DPYSL2: variants seen among roughly 807,000 people sequenced by gnomAD.
DPYSL2 encodes the protein dihydropyrimidinase like 2, also known as dihydropyrimidinase-related protein 2.
Under a neutral mutation model 69.9 loss-of-function variants are expected in DPYSL2, and 13 were observed. The observed-to-expected ratio is 0.19, with a 90% confidence interval of 0.12 to 0.30. DPYSL2 has a LOEUF of 0.30. DPYSL2 is among the 10% of genes least tolerant of loss of function. The pLI is 1.00. For synonymous variants in DPYSL2, 326 were observed against 359.1 expected, an observed-to-expected ratio of 0.91 and a Z score of 1.04; for missense variants, 587 against 918.9, an observed-to-expected ratio of 0.64 and a Z score of 4.67.
chr8:26,577,056 G>C (rs536558099), intron 1 of DPYSL2: 4 of 407,026 alleles, frequency 9.8e-6, no homozygotes, highest in African/African-American at 6.5e-5. Flanking sequence ...CTCGCGGCCG[G>C]AAGGCACAAA....
intron 1 of DPYSL2, among the ~76,000 whole-genome samples, chr8:26,556,508 A>G (rs1585507302): frequency 1.4e-5 from 1 of 71,004 alleles, no homozygotes; most frequent in African/African-American, 7.7e-5. Context: ...ATATAAGGTT[A>G]TTATACAAAA....
rs1480183062 is a variant in DPYSL2 at position 26,644,701 on chromosome 8, TC to T, written c.1425+612del. Among the ~76,000 whole-genome samples the T allele has an allele frequency of 3.3e-5, 5 of 152,068 alleles. No individual in the cohort carries two copies. The highest frequency in any genetic ancestry group is 5.9e-5 in the Non-Finnish European group (4 of 68,018). The stretch of plus-strand genomic sequence containing the variant: ...ACTCTGGGTCAGTCAGGAACAAACT[TC>T]CTTAGCAACCAGGTGACTTACTCAG... On this transcript the variant is annotated intron_variant, in intron 10 of 13. Coordinates refer to ENST00000521913, the MANE Select transcript of DPYSL2 (RefSeq NM_001197293.3). The surrounding 1 kb of genome is among the most constrained non-coding windows in gnomAD (Gnocchi z 4.5).
intron 3 of DPYSL2, among the ~76,000 whole-genome samples, chr8:26,604,151 A>G (rs1051639043): frequency 6.6e-6 from 1 of 152,222 alleles, no homozygotes; most frequent in Non-Finnish European, 1.5e-5. Flanking sequence ...CCCATCCTGA[A>G]GGGCCCCTTC....
intron 1 of DPYSL2, among the ~76,000 whole-genome samples, chr8:26,525,714 C>T (rs1323305345): frequency 6.6e-6 from 1 of 152,118 alleles, no homozygotes; most frequent in Non-Finnish European, 1.5e-5. Context: ...GCTCTCTATT[C>T]TGTTTCATTG....
chr8:26,543,841 A>T (rs1800722540), intron 1 of DPYSL2, among the ~76,000 whole-genome samples: 4 of 152,042 alleles, frequency 2.6e-5, no homozygotes, highest in African/African-American at 9.7e-5. Context: ...TATTTAAAAG[A>T]TACTTTCAGG....
chr8:26,626,567 T>G lies in DPYSL2; in HGVS notation c.794-50T>G. The G allele has an allele frequency of 6.5e-7, 1 of 1,544,624 alleles. No individual in the cohort carries two copies. Among genetic ancestry groups the G allele is most frequent in the Non-Finnish European group, 8.9e-7 (1 of 1,118,448 alleles). ...TATCACTTTCTTATCCCTTATTTGG[T>G]TATTTGGTTTATCTATTAAAAGTCC... On this transcript the variant is annotated intron_variant, in intron 4 of 13. Transcript: ENST00000521913. This position sits in a 1 kb window ranked among gnomAD's most constrained non-coding sequence, Gnocchi z 4.3.
In DPYSL2 at chr8:26,533,023, G is replaced by A. The variant is rs868484667; in HGVS notation, c.354+18344G>A. Among the ~76,000 whole-genome samples, 4 of 152,054 alleles carry A rather than the reference G, an allele frequency of 2.6e-5. No homozygotes were observed. Among genetic ancestry groups the A allele is most frequent in the Non-Finnish European group, 4.4e-5 (3 of 68,016 alleles). On this transcript the variant is annotated intron_variant, in intron 1 of 13. Transcript: ENST00000521913. The surrounding 1 kb of genome is among the most constrained non-coding windows in gnomAD (Gnocchi z 4.8). ...AGTGTATGAGGTTTCCAACTTCGCC[G>A]CATCCTTGTCTACACTTGTTATTGT...
intron 3 of DPYSL2, among the ~76,000 whole-genome samples, chr8:26,622,161 C>CCT (rs1802506185): frequency 1.1e-5 from 1 of 91,512 alleles, no homozygotes. Context: ...TTCCTTCCCT[C>CCT]TCTCTCTCTT....
rs1345842187 is a variant in DPYSL2 at position 26,571,322 on chromosome 8, T to TG, written c.355-10644dup. Among the ~76,000 whole-genome samples the TG allele has an allele frequency of 6.6e-6, 1 of 152,108 alleles. No homozygotes were observed. The highest frequency in any genetic ancestry group is 1.5e-5 in the Non-Finnish European group (1 of 68,018). On this transcript the variant is annotated intron_variant, in intron 1 of 13. Coordinates refer to ENST00000521913, the MANE Select transcript of DPYSL2 (RefSeq NM_001197293.3). This position sits in a 1 kb window ranked among gnomAD's most constrained non-coding sequence, Gnocchi z 6.1. ...GGTGATTCTGATGGAGGGGAGTACT[T>TG]GGGCACACCAACGGAAACAAGTGAT...
intron 7 of DPYSL2, among the ~76,000 whole-genome samples, chr8:26,631,398 G>A (rs1271164882): frequency 6.6e-6 from 1 of 152,126 alleles, no homozygotes; most frequent in Non-Finnish European, 1.5e-5. Flanking sequence ...CAGATCTCGT[G>A]AGAACTCACT....
Position 26,564,743 on chromosome 8 carries a change from C to T in DPYSL2, c.355-17226C>T, listed in dbSNP as rs770392650. On this transcript the variant is annotated intron_variant, in intron 1 of 13. Coordinates refer to ENST00000521913, the MANE Select transcript of DPYSL2 (RefSeq NM_001197293.3). The surrounding 1 kb of genome is among the most constrained non-coding windows in gnomAD (Gnocchi z 4.8). ...GGGAAGCTCTTCTGGAGTGATCTGT[C>T]CCAGTTTCTTTTTAAAAGAATTTTT... Among the ~76,000 whole-genome samples, 12 of 152,088 alleles carry T rather than the reference C, an allele frequency of 7.9e-5. No individual in the cohort carries two copies. In the Middle Eastern group the frequency reaches 0.014, roughly 172 times the overall value.
intron 1 of DPYSL2, among the ~76,000 whole-genome samples, chr8:26,540,523 CA>C (rs1302733443): frequency 2.0e-5 from 3 of 152,110 alleles, no homozygotes; most frequent in African/African-American, 7.2e-5. Flanking sequence ...CAAAGATCCC[CA>C]AATAGGATCA....
intron 1 of DPYSL2, among the ~76,000 whole-genome samples, chr8:26,551,320 G>A (rs973718964): frequency 6.6e-6 from 1 of 152,144 alleles, no homozygotes; most frequent in African/African-American, 2.4e-5. Context: ...TCAGAGCTAG[G>A]AAAATTATCA....
intron 3 of DPYSL2, among the ~76,000 whole-genome samples, chr8:26,584,354 T>G (rs1051102455): frequency 6.6e-6 from 1 of 152,206 alleles, no homozygotes; most frequent in Non-Finnish European, 1.5e-5. Flanking sequence ...AGTATTTGAT[T>G]GAGATTTTCA....
At chr8:26,632,104 C>G (rs1015678926) in intron 7 of DPYSL2, among the ~76,000 whole-genome samples, 2 of 152,154 alleles carry the variant, frequency 1.3e-5, no homozygotes, top group African/African-American at 4.8e-5. Context: ...GGCCTTTCTT[C>G]CCAACCCACC....
intron 1 of DPYSL2, among the ~76,000 whole-genome samples, chr8:26,525,803 C>T (rs1808466123): frequency 6.6e-6 from 1 of 152,044 alleles, no homozygotes; most frequent in Admixed American, 6.6e-5. Context: ...TTTCGTTTTC[C>T]CCGTCACTCA....
intron 1 of DPYSL2, chr8:26,578,070 CAG>C (rs1421078168): frequency 3.4e-6 from 5 of 1,473,504 alleles, no homozygotes; most frequent in Middle Eastern, 2.2e-4. Flanking sequence ...GAAAGAGAGA[CAG>C]AGGATTGCAT....
chr8:26,550,225 T>C (rs1290013169), intron 1 of DPYSL2, among the ~76,000 whole-genome samples: 1 of 152,182 alleles, frequency 6.6e-6, no homozygotes, highest in Admixed American at 6.5e-5. Context: ...AATTTGAACA[T>C]GGACTTGTTG....
In DPYSL2 at chr8:26,598,459, A is replaced by G. The variant is rs1253053355; in HGVS notation, c.628+14476A>G. On this transcript the variant is annotated intron_variant, in intron 3 of 13. Coordinates refer to ENST00000521913, the MANE Select transcript of DPYSL2 (RefSeq NM_001197293.3). This position sits in a 1 kb window ranked among gnomAD's most constrained non-coding sequence, Gnocchi z 4.2. ...TTTCCCTCCTGCTCTATGAAAACGTATTTTCCATGTTAAAAAAGGAAGATC... is the reference window on the plus strand; with the variant it reads ...TTTCCCTCCTGCTCTATGAAAACGTGTTTTCCATGTTAAAAAAGGAAGATC... Among the ~76,000 whole-genome samples the G allele has an allele frequency of 7.2e-5, 11 of 152,210 alleles. No homozygotes were observed. In the East Asian group the frequency reaches 2.1e-3, roughly 29 times the overall value.
Sources: gnomAD v4.1 joint callset for allele counts (sites outside exome capture counted in the v4.1 genomes callset) on GRCh38, gnomAD v4.1.1 for gene constraint, Gnocchi (gnomAD v3.1) non-coding constraint, MANE v1.5 for transcripts, NCBI Gene and HGNC (gene_info 2026-07-23, HGNC 2026-07-21) for gene names.